The following KCNC1 variants were observed in gnomAD, a reference collection of about 807,000 sequenced individuals.
The protein encoded by KCNC1 is voltage-gated potassium channel KCNC1.
In KCNC1, 8 loss-of-function variants were observed where a neutral mutation model predicts 43.4. The ratio of observed to expected loss-of-function variants is 0.18; its 90% CI spans 0.11 to 0.33. The LOEUF is 0.33. Among genes scored for constraint, KCNC1 ranks in the 10% least tolerant of loss-of-function variants. The pLI, the probability that KCNC1 is intolerant of heterozygous loss-of-function variation, is 1.00. For missense variants in KCNC1, 420 were observed against 836.0 expected (o/e 0.50, Z 6.14); for synonymous variants, 361 against 360.5 (o/e 1.00, Z -0.01).
At chr11:17,754,820 A>T (rs1371973405) in intron 1 of KCNC1, among the ~76,000 whole-genome samples, 1 of 152,248 alleles carries the variant, frequency 6.6e-6, no homozygotes, top group African/African-American at 2.4e-5. Context: ...CACGCAGCCA[A>T]CTGGATACTT....
intron 1 of KCNC1, among the ~76,000 whole-genome samples, chr11:17,749,238 C>T (rs1848937772): frequency 6.6e-6 from 1 of 152,248 alleles, no homozygotes. Flanking sequence ...CAATAAGTCA[C>T]AGAAGGCCCT....
chr11:17,749,319 G>C (rs1405338864), intron 1 of KCNC1, among the ~76,000 whole-genome samples: 1 of 152,248 alleles, frequency 6.6e-6, no homozygotes, highest in Non-Finnish European at 1.5e-5. Flanking sequence ...TGCAGATAAG[G>C]CATCTTTGTG....
chr11:17,763,560 C>T (rs926853903), intron 1 of KCNC1, among the ~76,000 whole-genome samples: 1 of 145,414 alleles, frequency 6.9e-6, no homozygotes, highest in African/African-American at 2.7e-5. Context: ...CACACCACCC[C>T]ACACATGCAA....
At chr11:17,750,285 G>A (rs865977787) in intron 1 of KCNC1, among the ~76,000 whole-genome samples, 1 of 152,194 alleles carries the variant, frequency 6.6e-6, no homozygotes, top group Admixed American at 6.5e-5. Flanking sequence ...ATTTTCCTGG[G>A]TATAAGGAGG....
intron 1 of KCNC1, among the ~76,000 whole-genome samples, chr11:17,767,956 G>GT (rs1849173283): frequency 6.6e-6 from 1 of 152,252 alleles, no homozygotes; most frequent in Non-Finnish European, 1.5e-5. Context: ...TAAGGCCTGA[G>GT]TTTTCCAATC....
At chr11:17,745,111 G>T (rs192570948) in intron 1 of KCNC1, among the ~76,000 whole-genome samples, 2 of 152,290 alleles carry the variant, frequency 1.3e-5, no homozygotes, top group Admixed American at 6.5e-5. Context: ...CTCCCCAGAT[G>T]ATTCATGCAC....
In KCNC1 at chr11:17,779,399, CT is replaced by C; in HGVS notation, c.1505-56del. 1.5e-6 allele frequency: 2 copies of C among 1,371,170 alleles called. No individual in the cohort carries two copies. Among genetic ancestry groups the C allele is most frequent in the Middle Eastern group, 2.0e-4 (1 of 5,058 alleles). 84.9% of individuals were successfully genotyped at this position (1,371,170 alleles called of 1,614,324 possible). A position where few individuals can be genotyped will look rare whatever the true frequency, so the allele number is the denominator to read the frequency against. ...TACCCCGCTTCTGGCCTGTCCCCCC[CT>C]GCCCCCCACTAAACAGTTTTCAGTG... On this transcript the variant is annotated intron_variant, in intron 2 of 3. Coordinates refer to ENST00000265969, the MANE Select transcript of KCNC1 (RefSeq NM_001112741.2). This position sits in a 1 kb window ranked among gnomAD's most constrained non-coding sequence, Gnocchi z 7.2.
At chr11:17,768,948 G>A (rs1849190404) in intron 1 of KCNC1, among the ~76,000 whole-genome samples, 1 of 152,248 alleles carries the variant, frequency 6.6e-6, no homozygotes, top group East Asian at 1.9e-4. Context: ...TGGTGATGGA[G>A]AGAGCTCTGG....
chr11:17,773,897 G>A lies in KCNC1; in HGVS notation c.1504+1299G>A, dbSNP rs1849258153. The A allele has an allele frequency of 1.0e-6, 1 of 985,468 alleles. No individual in the cohort carries two copies. Among genetic ancestry groups the A allele is most frequent in the Non-Finnish European group, 1.2e-6 (1 of 829,972 alleles). 61.0% of individuals were successfully genotyped at this position (985,468 alleles called of 1,614,324 possible). ...AAGGACCTCCCCATGCCCAGGTCTG[G>A]CAGGAGGCTGCTGGCTAGCTCAGCC... On this transcript the variant is annotated intron_variant, in intron 2 of 3. Transcript: ENST00000265969. The surrounding 1 kb of genome is among the most constrained non-coding windows in gnomAD (Gnocchi z 4.1).
At position 17,781,530 on chromosome 11, in the gene KCNC1, C is replaced by T. The variant is rs1849346556; in HGVS notation, c.1694-140C>T. ...AGGCTGGCTCAGTGCATGGGCAAAC[C>T]AAGCCAGCTGGAGAAGAATCTGCCT... On this transcript the variant is annotated intron_variant, in intron 3 of 3. Transcript: ENST00000265969. This position sits in a 1 kb window ranked among gnomAD's most constrained non-coding sequence, Gnocchi z 5.1. 1 of 666,222 alleles carries T rather than the reference C, an allele frequency of 1.5e-6. No individual in the cohort carries two copies. The highest frequency in any genetic ancestry group is 2.7e-6 in the Non-Finnish European group (1 of 376,592). The allele number at this position is 666,222 out of a possible 1,614,324, so 41.3% of individuals were successfully genotyped here.
At chr11:17,750,630 C>G (rs75965856) in intron 1 of KCNC1, among the ~76,000 whole-genome samples, 2,702 of 152,272 alleles carry the variant, frequency 0.018, 84 homozygotes, top group African/African-American at 0.062. Flanking sequence ...CCCACCTGCC[C>G]TGCTATTCCA....
Position 17,771,616 on chromosome 11 carries a change from C to T in KCNC1, c.571-49C>T. On this transcript the variant is annotated intron_variant, in intron 1 of 3. Coordinates refer to ENST00000265969, the MANE Select transcript of KCNC1 (RefSeq NM_001112741.2). This position sits in a 1 kb window ranked among gnomAD's most constrained non-coding sequence, Gnocchi z 4.7. ...GACTGGACAGAGGCAACCCAGGCTT[C>T]TCCACTCTGGGTGGGCCTCCCTCTG... 1 of 1,527,280 alleles carries T rather than the reference C, an allele frequency of 6.5e-7. No individual in the cohort carries two copies. Among genetic ancestry groups the T allele is most frequent in the Non-Finnish European group, 8.9e-7 (1 of 1,120,524 alleles). The allele number at this position is 1,527,280 out of a possible 1,614,324, so 94.6% of individuals were successfully genotyped here. A position where few individuals can be genotyped will look rare whatever the true frequency, so the allele number is the denominator to read the frequency against.
Position 17,739,447 on chromosome 11 carries a change from T to TTG in KCNC1, c.570+2884_570+2885dup, listed in dbSNP as rs1200509470. ...GCTTCCTGAGTCCTTGTGTCAGGGG[T>TTG]TGTGTGTGTGAGAGAGGCGGATTCT... On this transcript the variant is annotated intron_variant, in intron 1 of 3. Coordinates refer to ENST00000265969, the MANE Select transcript of KCNC1 (RefSeq NM_001112741.2). This position sits in a 1 kb window ranked among gnomAD's most constrained non-coding sequence, Gnocchi z 4.2. Among the ~76,000 whole-genome samples the TTG allele has an allele frequency of 1.5e-5, 2 of 135,546 alleles. No homozygotes were observed. Among genetic ancestry groups the TTG allele is most frequent in the African/African-American group, 2.9e-5 (1 of 34,234 alleles). 88.9% of individuals were successfully genotyped at this position (135,546 alleles called of 152,430 possible).
At chr11:17,750,442 G>A (rs1013829466) in intron 1 of KCNC1, among the ~76,000 whole-genome samples, 9 of 152,146 alleles carry the variant, frequency 5.9e-5, no homozygotes, top group African/African-American at 1.7e-4. Context: ...CCTTCTAGGC[G>A]GCAGGAATCG....
chr11:17,744,506 G>A (rs534243942), intron 1 of KCNC1, among the ~76,000 whole-genome samples: 105 of 152,264 alleles, frequency 6.9e-4, no homozygotes, highest in African/African-American at 2.4e-3. Flanking sequence ...CCCTCTGGCA[G>A]GCACAGACCT....
chr11:17,776,976 G>C lies in KCNC1; in HGVS notation c.1505-2480G>C. The C allele has an allele frequency of 1.0e-6, 1 of 985,440 alleles. No individual in the cohort carries two copies. The highest frequency in any genetic ancestry group is 5.2e-4 in the Middle Eastern group (1 of 1,916). 61.0% of individuals were successfully genotyped at this position (985,440 alleles called of 1,614,324 possible). A position where few individuals can be genotyped will look rare whatever the true frequency, so the allele number is the denominator to read the frequency against. ...ATCATTAGTCCCTCCTCAAAGGTTA[G>C]GGTTGAGAGAAGCAGTAGGCCCTAG... On this transcript the variant is annotated intron_variant, in intron 2 of 3. Coordinates refer to ENST00000265969, the MANE Select transcript of KCNC1 (RefSeq NM_001112741.2). The surrounding 1 kb of genome is among the most constrained non-coding windows in gnomAD (Gnocchi z 4.4).
At chr11:17,763,713 CCCCCACACACCT>C (rs1849108562) in intron 1 of KCNC1, among the ~76,000 whole-genome samples, 1 of 129,458 alleles carries the variant, frequency 7.7e-6, no homozygotes, top group East Asian at 2.5e-4. Context: ...CCCACACACA[CCCCCACACACCT>C]CCCCACACAT....
chr11:17,777,535 G>A lies in KCNC1; in HGVS notation c.1505-1921G>A. 1 of 985,986 alleles carries A rather than the reference G, an allele frequency of 1.0e-6. No individual in the cohort carries two copies. Among genetic ancestry groups the A allele is most frequent in the Non-Finnish European group, 1.2e-6 (1 of 830,032 alleles). The allele number at this position is 985,986 out of a possible 1,614,324, so 61.1% of individuals were successfully genotyped here. ...CTTGGATGGAAGACTGGGCCAGCCA[G>A]AGTGGGAGGCAGGACCAGCGTGTCT... On this transcript the variant is annotated intron_variant, in intron 2 of 3. Coordinates refer to ENST00000265969, the MANE Select transcript of KCNC1 (RefSeq NM_001112741.2). This position sits in a 1 kb window ranked among gnomAD's most constrained non-coding sequence, Gnocchi z 4.3.
chr11:17,772,700 A>G, intron 2 of KCNC1, 102 bp downstream of exon 2: 1 of 1,531,112 alleles, frequency 6.5e-7, no homozygotes, highest in Non-Finnish European at 8.8e-7. Context: ...TCCGTGGGTG[A>G]CCCCGGACCC....
Sources: allele counts gnomAD v4.1 joint callset (sites outside exome capture counted in the v4.1 genomes callset), GRCh38; gene constraint gnomAD v4.1.1; non-coding constraint Gnocchi (gnomAD v3.1); transcripts MANE v1.5; gene names NCBI Gene and HGNC (gene_info 2026-07-23, HGNC 2026-07-21).